Variants in TOLLIP observed in about 807,000 individuals in gnomAD.
TOLLIP encodes toll interacting protein.
In TOLLIP, 16 loss-of-function variants were observed where a neutral mutation model predicts 33.5. That is an observed-to-expected ratio of 0.48 (90% CI 0.32 to 0.72). The LOEUF is 0.72. TOLLIP is among the 30% of genes least tolerant of loss of function. The probability of loss-of-function intolerance (pLI) is 0.03; values close to 1 mark genes in which losing one functional copy is unlikely to be tolerated. For synonymous variants in TOLLIP, 176 were observed against 163.7 expected, an observed-to-expected ratio of 1.07 and a Z score of -0.57; for missense variants, 325 against 396.6, an observed-to-expected ratio of 0.82 and a Z score of 1.53.
In TOLLIP at chr11:1,303,031, A is replaced by G. The variant is rs1864327370; in HGVS notation, c.33+6435T>C. ...TGCCGGGAGGTTCCCTGGCTCTGCT[A>G]AAGTCTCAAAGCAAACACTAGAATT... is the stretch of plus-strand genomic sequence containing the variant. On this transcript the variant is annotated intron_variant, in intron 1 of 5. Coordinates refer to ENST00000317204, the MANE Select transcript of TOLLIP (RefSeq NM_019009.4). This position sits in a 1 kb window ranked among gnomAD's most constrained non-coding sequence, Gnocchi z 4.2. Among the ~76,000 whole-genome samples the G allele has an allele frequency of 2.0e-5, 3 of 152,232 alleles. No homozygotes were observed. Among genetic ancestry groups the G allele is most frequent in the Admixed American group, 6.5e-5 (1 of 15,290 alleles).
chr11:1,279,954 C>T (rs531648699), intron 5 of TOLLIP, among the ~76,000 whole-genome samples: 1 of 152,338 alleles, frequency 6.6e-6, no homozygotes, highest in South Asian at 2.1e-4. Flanking sequence ...GACGACCGTC[C>T]AGCTCAGAGA....
At chr11:1,297,153 G>A (rs1366988316) in intron 1 of TOLLIP, among the ~76,000 whole-genome samples, 1 of 152,090 alleles carries the variant, frequency 6.6e-6, no homozygotes, top group African/African-American at 2.4e-5. Context: ...TCGGACGTGA[G>A]CTTAGGCAAA....
chr11:1,286,015 A>G lies in TOLLIP; in HGVS notation c.597T>C (p.Tyr199=). ...GAGCACACGCACCTGTGATGGGCACATAGCCAACGCCCTGCTGGTACACTG... is the reference window on the plus strand; with the variant it reads ...GAGCACACGCACCTGTGATGGGCACGTAGCCAACGCCCTGCTGGTACACTG... ...MPTVYQQGVG[Y]VPITGMPAVC... is the part of the protein sequence containing the mutation. The change falls in exon 5 of 6, where the codon TAT becomes TAC. Residue 199 remains tyrosine, a synonymous_variant. Coordinates refer to ENST00000317204, the MANE Select transcript of TOLLIP (RefSeq NM_019009.4). 1 of 1,594,430 alleles carries G rather than the reference A, an allele frequency of 6.3e-7. No homozygotes were observed. The highest frequency in any genetic ancestry group is 8.5e-7 in the Non-Finnish European group (1 of 1,171,656).
chr11:1,277,289 A>T lies in TOLLIP; in HGVS notation c.611-36T>A, dbSNP rs777645548. On this transcript the variant is annotated intron_variant, in intron 5 of 5. Coordinates refer to ENST00000317204, the MANE Select transcript of TOLLIP (RefSeq NM_019009.4). This position sits in a 1 kb window ranked among gnomAD's most constrained non-coding sequence, Gnocchi z 4.2. ...AGATCAAGTTTGGTAAAAACGTCGG[A>T]AAGTTCCAGAAGTGCCACACTAGCT... 1 of 1,490,342 alleles carries T rather than the reference A, an allele frequency of 6.7e-7. No homozygotes were observed. Among genetic ancestry groups the T allele is most frequent in the South Asian group, 1.3e-5 (1 of 75,554 alleles). The allele number at this position is 1,490,342 out of a possible 1,614,324, so 92.3% of individuals were successfully genotyped here.
chr11:1,290,121 A>G lies in TOLLIP; in HGVS notation c.366+106T>C. 1.7e-6 allele frequency: 2 copies of G among 1,199,780 alleles called. No individual in the cohort carries two copies. The highest frequency in any genetic ancestry group is 2.9e-5 in the South Asian group (2 of 69,296). The allele number at this position is 1,199,780 out of a possible 1,614,324, so 74.3% of individuals were successfully genotyped here. ...CCAATGAAACACCAGGTGGGGAGCC[A>G]CGCCTCGAAGCCAGCCAGGAACGTG... On this transcript the variant is annotated intron_variant, in intron 3 of 5. Transcript: ENST00000317204. This position sits in a 1 kb window ranked among gnomAD's most constrained non-coding sequence, Gnocchi z 4.9.
chr11:1,300,701 G>T (rs1379553784), intron 1 of TOLLIP, among the ~76,000 whole-genome samples: 1 of 152,192 alleles, frequency 6.6e-6, no homozygotes, highest in East Asian at 1.9e-4. Context: ...CAGAGCCCCG[G>T]AAGAGCCCAG....
intron 5 of TOLLIP, among the ~76,000 whole-genome samples, chr11:1,279,971 C>T (rs550152886): frequency 4.6e-5 from 7 of 152,308 alleles, no homozygotes; most frequent in African/African-American, 1.7e-4. Flanking sequence ...GAGACTGTTC[C>T]GGAACTCCCA....
At chr11:1,283,521 CAGGCTCTGGCAG>C (rs1266561079) in intron 5 of TOLLIP, 8 of 456,080 alleles carry the variant, frequency 1.8e-5, no homozygotes, top group South Asian at 1.2e-4. Flanking sequence ...CGAGTCCTCA[CAGGCTCTGGCAG>C]ATGTTCCTGC....
chr11:1,295,464 G>C, intron 2 of TOLLIP, 181 bp downstream of exon 2: 1 of 727,020 alleles, frequency 1.4e-6, no homozygotes, highest in South Asian at 2.5e-5. Flanking sequence ...GGTAGAACCC[G>C]GGGTCAATGC....
chr11:1,296,999 T>C (rs1208939214), intron 1 of TOLLIP, among the ~76,000 whole-genome samples: 1 of 142,110 alleles, frequency 7.0e-6, no homozygotes, highest in Non-Finnish European at 1.5e-5. Flanking sequence ...GGTGGAGGCC[T>C]GGTTGCTGGT....
intron 5 of TOLLIP, among the ~76,000 whole-genome samples, chr11:1,284,607 C>G (rs1863625710): frequency 1.3e-5 from 2 of 152,150 alleles, no homozygotes; most frequent in Admixed American, 6.5e-5. Flanking sequence ...CCTTGGCCTC[C>G]CAAGGTGCCG....
chr11:1,292,350 A>C (rs1002892523), intron 2 of TOLLIP, among the ~76,000 whole-genome samples: 1 of 152,122 alleles, frequency 6.6e-6, no homozygotes, highest in African/African-American at 2.4e-5. Flanking sequence ...ACTTATTTTT[A>C]TTAATAACTT....
intron 3 of TOLLIP, among the ~76,000 whole-genome samples, chr11:1,289,281 C>T (rs571746842): frequency 9.9e-5 from 15 of 152,284 alleles, no homozygotes; most frequent in East Asian, 3.9e-4. Flanking sequence ...AGAGAAAAGC[C>T]GGGAGGAAAA....
intron 4 of TOLLIP, among the ~76,000 whole-genome samples, chr11:1,287,391 T>C (rs185370957): frequency 0.044 from 4,434 of 99,934 alleles, 589 homozygotes; most frequent in African/African-American, 0.13. Flanking sequence ...AGCTCCCTGC[T>C]GCTGCCTCCC....
chr11:1,292,075 G>T (rs1564973715), intron 2 of TOLLIP: 1 of 152,246 alleles, frequency 6.6e-6, no homozygotes, highest in Non-Finnish European at 1.5e-5. Flanking sequence ...TTCTTGGGTG[G>T]CCACAGCGTA....
intron 3 of TOLLIP, 138 bp from the exon 4 acceptor site, chr11:1,288,914 G>T (rs5743968): frequency 1.1e-6 from 1 of 900,420 alleles, no homozygotes. Context: ...ACACCCCATC[G>T]ATGAGACCCC....
In TOLLIP at chr11:1,278,175, G is replaced by A. The variant is rs1863372980; in HGVS notation, c.611-922C>T. On this transcript the variant is annotated intron_variant, in intron 5 of 5. Transcript: ENST00000317204. The surrounding 1 kb of genome is among the most constrained non-coding windows in gnomAD (Gnocchi z 4.7). ...AAAACCACGAGCAGCCCTGAGCACAGGCAGCGTGCGCGGGGCTCAGCGACC... is the reference window on the plus strand; with the variant it reads ...AAAACCACGAGCAGCCCTGAGCACAAGCAGCGTGCGCGGGGCTCAGCGACC... Among the ~76,000 whole-genome samples the A allele has an allele frequency of 2.0e-5, 3 of 151,412 alleles. No individual in the cohort carries two copies. The South Asian group carries it at 6.2e-4, about 31-fold the overall frequency.
intron 2 of TOLLIP, chr11:1,291,794 A>C: frequency 1.5e-5 from 2 of 137,886 alleles, no homozygotes. Context: ...CCCACCTCTG[A>C]GGGCACGGCC....
intron 2 of TOLLIP, 63 bp downstream of exon 2, chr11:1,295,582 C>T (rs865866248): frequency 6.3e-6 from 9 of 1,434,660 alleles, no homozygotes; most frequent in African/African-American, 4.3e-5. Flanking sequence ...CGCCGAAATC[C>T]GAAATCCCAC....
Sources: allele counts gnomAD v4.1 joint callset (sites outside exome capture counted in the v4.1 genomes callset), GRCh38; gene constraint gnomAD v4.1.1; non-coding constraint Gnocchi (gnomAD v3.1); transcripts MANE v1.5; gene names NCBI Gene and HGNC (gene_info 2026-07-23, HGNC 2026-07-21).